Variants in CHUK observed in about 807,000 individuals in gnomAD.
CHUK encodes component of inhibitor of nuclear factor kappa B kinase complex.
CHUK carries 35 observed loss-of-function variants against 104.8 expected under a neutral mutation model. That is an observed-to-expected ratio of 0.33 (90% CI 0.26 to 0.44). The LOEUF (loss-of-function observed/expected upper bound fraction) is 0.44, where lower values mean the gene tolerates loss of function less well. Ranked by LOEUF, CHUK falls within the 20% of genes least tolerant of loss-of-function variation. The pLI is 1.00. For missense variants in CHUK, 663 were observed against 902.7 expected, an observed-to-expected ratio of 0.73 and a Z score of 3.40; for synonymous variants, 276 against 291.9, an observed-to-expected ratio of 0.95 and a Z score of 0.56.
intron 4 of CHUK, 136 bp from the exon 5 acceptor site, chr10:100,220,812 A>T: frequency 1.6e-6 from 1 of 629,858 alleles, no homozygotes; most frequent in African/African-American, 2.4e-5. Context: ...CTAATACTAC[A>T]GTGTCCAGGT....
intron 19 of CHUK, among the ~76,000 whole-genome samples, chr10:100,191,525 T>G (rs1283177741): frequency 1.3e-5 from 2 of 152,112 alleles, no homozygotes; most frequent in Non-Finnish European, 2.9e-5. Flanking sequence ...GAAAACAGTG[T>G]GGTGGGGGAG....
rs747982660 is a variant in CHUK, at chr10:100,222,823, A to C, written c.315+43T>G. Reference sequence around the variant, plus strand: ...TTTAACATGATTCAAACATTGCTAAAGTTTGTGATTTACTCTCTCTCATCT... The same window carrying C: ...TTTAACATGATTCAAACATTGCTAACGTTTGTGATTTACTCTCTCTCATCT... On this transcript the variant is annotated intron_variant, in intron 3 of 20. Transcript: ENST00000370397. 17 of 936,770 alleles carry C rather than the reference A, an allele frequency of 1.8e-5. No individual in the cohort carries two copies. The African/African-American group carries it at 1.9e-4, about 11-fold the overall frequency. The allele number at this position is 936,770 out of a possible 1,614,324, so 58.0% of individuals were successfully genotyped here. A position where few individuals can be genotyped will look rare whatever the true frequency, so the allele number is the denominator to read the frequency against.
intron 19 of CHUK, among the ~76,000 whole-genome samples, chr10:100,191,302 GAC>G (rs1318005910): frequency 3.3e-5 from 5 of 152,196 alleles, no homozygotes; most frequent in Admixed American, 3.3e-4. Flanking sequence ...TTGTGGCAAA[GAC>G]AGATGAAATA....
At chr10:100,189,689 G>A (rs190935515) in intron 20 of CHUK, 62 bp from the exon 21 acceptor site, 145 of 1,153,952 alleles carry the variant, frequency 1.3e-4, no homozygotes, top group Admixed American at 4.1e-4. Flanking sequence ...GTATATGGGT[G>A]TTCATTTTTG....
chr10:100,202,021 C>T (rs536134771), intron 14 of CHUK, 67 bp downstream of exon 14: 25 of 1,215,886 alleles, frequency 2.1e-5, no homozygotes, highest in Non-Finnish European at 3.0e-5. Flanking sequence ...TATATCAAAA[C>T]CAAAGATAGT....
intron 9 of CHUK, among the ~76,000 whole-genome samples, chr10:100,213,741 C>T (rs372500705): frequency 1.3e-5 from 2 of 152,162 alleles, no homozygotes. Flanking sequence ...AGGCTGGTCT[C>T]GAACTCCAGA....
intron 10 of CHUK, 88 bp downstream of exon 10, chr10:100,209,507 A>G: frequency 2.5e-6 from 2 of 810,920 alleles, no homozygotes; most frequent in Non-Finnish European, 4.3e-6. Context: ...CGGCCTCCCA[A>G]GGAATTCCAA....
At chr10:100,192,681 G>C in intron 19 of CHUK, 1 of 986,616 alleles carries the variant, frequency 1.0e-6, no homozygotes, top group Non-Finnish European at 1.2e-6. Context: ...CTTTGGATAC[G>C]GCACATCTTA....
chr10:100,187,116 G>A (rs1845047716), downstream of CHUK: 3 of 152,312 alleles, frequency 2.0e-5, no homozygotes, highest in African/African-American at 7.2e-5. Context: ...GTTCCTAACA[G>A]GCCACTGTCT....
intron 16 of CHUK, among the ~76,000 whole-genome samples, chr10:100,196,433 C>T (rs1246924032): frequency 1.4e-5 from 2 of 146,054 alleles, no homozygotes; most frequent in African/African-American, 5.1e-5. Context: ...TCAACCCAGG[C>T]TGAAGTGCAG....
At chr10:100,223,473 T>C (rs1846035355) in intron 2 of CHUK, among the ~76,000 whole-genome samples, 1 of 152,038 alleles carries the variant, frequency 6.6e-6, no homozygotes, top group Admixed American at 6.6e-5. Flanking sequence ...ACCTCATCTC[T>C]ACAAAAAATT....
At chr10:100,214,844 G>A (rs1845814291) in intron 9 of CHUK, among the ~76,000 whole-genome samples, 2 of 152,116 alleles carry the variant, frequency 1.3e-5, no homozygotes, top group Non-Finnish European at 2.9e-5. Flanking sequence ...TGGATATATC[G>A]ATTGAAGAGA....
intron 13 of CHUK, among the ~76,000 whole-genome samples, chr10:100,202,938 G>A (rs1020260994): frequency 3.3e-5 from 5 of 151,952 alleles, no homozygotes; most frequent in African/African-American, 9.7e-5. Context: ...TACATTTTTT[G>A]TAGAGATGGC....
chr10:100,215,214 C>CA (rs913817319), intron 9 of CHUK, among the ~76,000 whole-genome samples: 7,245 of 51,166 alleles, frequency 0.14, 454 homozygotes, highest in African/African-American at 0.18. Context: ...GGCTCCATAT[C>CA]AAAAAAAAAA....
In CHUK at chr10:100,222,198, A is replaced by T. The variant is rs763534489; in HGVS notation, c.316-17T>A. 6.7e-7 allele frequency: 1 copy of T among 1,500,764 alleles called. No homozygotes were observed. The highest frequency in any genetic ancestry group is 1.1e-5 in the South Asian group (1 of 88,496). The allele number at this position is 1,500,764 out of a possible 1,614,324, so 93.0% of individuals were successfully genotyped here. On this transcript the variant is annotated splice_polypyrimidine_tract_variant and intron_variant, in intron 3 of 20. Transcript: ENST00000370397. ...GTTGAGCAGCTAAAAAAAGAAAGAA[A>T]TCTAAAAATCTGTTCTGCAAATTGC... is the stretch of plus-strand genomic sequence containing the variant.
chr10:100,201,848 G>A (rs1267907590), intron 14 of CHUK, among the ~76,000 whole-genome samples: 2 of 152,022 alleles, frequency 1.3e-5, no homozygotes, highest in African/African-American at 2.4e-5. Context: ...GTGAGACCCT[G>A]TTTCAAAAAA....
At chr10:100,221,775 C>T (rs1845993673) in intron 4 of CHUK, among the ~76,000 whole-genome samples, 1 of 152,036 alleles carries the variant, frequency 6.6e-6, no homozygotes, top group African/African-American at 2.4e-5. Flanking sequence ...GTAGCTGGGA[C>T]TACAGGCATG....
chr10:100,226,346 A>C (rs1846105575), intron 1 of CHUK, among the ~76,000 whole-genome samples: 1 of 152,212 alleles, frequency 6.6e-6, no homozygotes, highest in African/African-American at 2.4e-5. Flanking sequence ...TTCAGAGCTT[A>C]ATCAAGACAA....
At chr10:100,210,180 C>T (rs986841138) in intron 9 of CHUK, among the ~76,000 whole-genome samples, 7 of 148,862 alleles carry the variant, frequency 4.7e-5, no homozygotes, top group Non-Finnish European at 9.0e-5. Context: ...CTCCGCCTCC[C>T]GGGTTCACGC....
Sources: allele counts gnomAD v4.1 joint callset (sites outside exome capture counted in the v4.1 genomes callset), GRCh38; gene constraint gnomAD v4.1.1; transcripts MANE v1.5; gene names NCBI Gene and HGNC (gene_info 2026-07-23, HGNC 2026-07-21).